Variants in LUZP2 observed in about 807,000 individuals in gnomAD.
The protein encoded by LUZP2 is leucine zipper protein 2.
Under a neutral mutation model 51.6 loss-of-function variants are expected in LUZP2, and 52 were observed. The ratio of observed to expected loss-of-function variants is 1.01; its 90% CI spans 0.81 to 1.27. LUZP2 has a LOEUF of 1.27. Ranked by LOEUF, LUZP2 falls within the 50% of genes most tolerant of loss-of-function variation. The pLI, the probability that LUZP2 is intolerant of heterozygous loss-of-function variation, is 0.00. For synonymous variants in LUZP2, 154 were observed against 137.3 expected (o/e 1.12, Z -0.85); for missense variants, 436 against 395.4 (o/e 1.10, Z -0.87).
chr11:24,636,492 A>G (rs1429371584), intron 1 of LUZP2, among the ~76,000 whole-genome samples: 1 of 152,170 alleles, frequency 6.6e-6, no homozygotes, highest in African/African-American at 2.4e-5. Context: ...CCATTGATAA[A>G]GTGGGGGCAA....
chr11:24,506,008 T>C (rs978588277), intron 1 of LUZP2, among the ~76,000 whole-genome samples: 2 of 152,144 alleles, frequency 1.3e-5, no homozygotes, highest in African/African-American at 4.8e-5. Flanking sequence ...GTGGCAGGAC[T>C]AAATGTGTAA....
chr11:24,646,843 T>A (rs1217158545), intron 1 of LUZP2, among the ~76,000 whole-genome samples: 2 of 152,022 alleles, frequency 1.3e-5, no homozygotes, highest in Admixed American at 6.6e-5. Flanking sequence ...ATGAGCTACT[T>A]TTAGTGCATG....
chr11:24,782,728 T>C (rs2134077398), intron 5 of LUZP2, among the ~76,000 whole-genome samples: 1 of 152,152 alleles, frequency 6.6e-6, no homozygotes, highest in East Asian at 1.9e-4. Flanking sequence ...TGTTGACTAA[T>C]TGCTAGCTTG....
intron 5 of LUZP2, chr11:24,786,714 A>ATATATAAATAGGTATATTATGTATTTT (rs767683383): frequency 9.5e-5 from 14 of 148,010 alleles, no homozygotes; most frequent in Non-Finnish European, 1.8e-4. Context: ...TTATGTATTT[A>ATATATAAATAGGTATATTATGTATTTT]TATATATATA....
At chr11:24,666,198 T>C (rs4630299) in intron 1 of LUZP2, among the ~76,000 whole-genome samples, 1,725 of 152,158 alleles carry the variant, frequency 0.011, 35 homozygotes, top group African/African-American at 0.04. Context: ...GCTGGGGCAA[T>C]ATATTATTAA....
In LUZP2 at chr11:25,079,140, T is replaced by G. The variant is rs982474749; in HGVS notation, c.*482T>G. 1 of 153,222 alleles carries G rather than the reference T, an allele frequency of 6.5e-6. No homozygotes were observed. The highest frequency in any genetic ancestry group is 2.0e-4 in the South Asian group (1 of 4,882). The allele number at this position is 153,222 out of a possible 1,614,324, so 9.5% of individuals were successfully genotyped here. A position where few individuals can be genotyped will look rare whatever the true frequency, so the allele number is the denominator to read the frequency against. ...TGTGCCAACCTAAATACGTTGTTTC[T>G]TTGATGGTGTTTATTGCTATTGGTA... is the stretch of plus-strand genomic sequence containing the variant. On this transcript the variant is annotated 3_prime_UTR_variant, in exon 12 of 12. Transcript: ENST00000336930.
intron 5 of LUZP2, among the ~76,000 whole-genome samples, chr11:24,826,190 A>AAAAAAATATATATATAT (rs1215786412): frequency 2.4e-4 from 16 of 67,548 alleles, no homozygotes; most frequent in East Asian, 5.6e-4. Flanking sequence ...AAAAAAAAAA[A>AAAAAAATATATATATAT]ATATATATAT....
intron 5 of LUZP2, among the ~76,000 whole-genome samples, chr11:24,863,323 T>C (rs1429786066): frequency 1.3e-5 from 2 of 152,090 alleles, no homozygotes; most frequent in Non-Finnish European, 2.9e-5. Context: ...AACTGATAAA[T>C]AGGCAAGCAA....
At chr11:24,654,151 C>T (rs982915285) in intron 1 of LUZP2, among the ~76,000 whole-genome samples, 8 of 152,118 alleles carry the variant, frequency 5.3e-5, no homozygotes, top group Non-Finnish European at 1.2e-4. Context: ...ACAATGCACA[C>T]ATCGTAACTG....
rs554365606 is a variant in LUZP2, at chr11:24,551,839, A to G, written c.62+54534A>G. Among the ~76,000 whole-genome samples, 3 of 152,124 alleles carry G rather than the reference A, an allele frequency of 2.0e-5. No homozygotes were observed. The South Asian group carries it at 6.2e-4, about 32-fold the overall frequency. On this transcript the variant is annotated intron_variant, in intron 1 of 11. Transcript: ENST00000336930. ...AATACTAGAATTAGCTCAAGGAGAA[A>G]TAAAAGTCTTGAATAAATACATCTG... is the stretch of plus-strand genomic sequence containing the variant.
chr11:24,883,719 C>A (rs1181204982), intron 5 of LUZP2, among the ~76,000 whole-genome samples: 1 of 151,976 alleles, frequency 6.6e-6, no homozygotes, highest in Non-Finnish European at 1.5e-5. Context: ...TACTGACTAG[C>A]AAACATTGAA....
At chr11:24,757,681 A>C (rs991557521) in intron 4 of LUZP2, among the ~76,000 whole-genome samples, 1 of 152,002 alleles carries the variant, frequency 6.6e-6, no homozygotes, top group Admixed American at 6.5e-5. Flanking sequence ...ATTATGCTAA[A>C]GAAAAAAGGT....
Position 24,962,420 on chromosome 11 carries a change from G to T in LUZP2, c.523-14171G>T, listed in dbSNP as rs535821671. Among the ~76,000 whole-genome samples the T allele has an allele frequency of 1.2e-4, 18 of 152,210 alleles. No homozygotes were observed. The East Asian group carries it at 2.3e-3, about 20-fold the overall frequency. The stretch of plus-strand genomic sequence containing the variant: ...GGTACACCAATCAGACGTAGATTTG[G>T]TTTTTTCACATAGTCCCATATTTCT... On this transcript the variant is annotated intron_variant, in intron 7 of 11. Coordinates refer to ENST00000336930, the MANE Select transcript of LUZP2 (RefSeq NM_001009909.4).
chr11:25,031,604 T>G (rs1410349711), intron 9 of LUZP2, among the ~76,000 whole-genome samples: 2 of 152,166 alleles, frequency 1.3e-5, no homozygotes, highest in Non-Finnish European at 1.5e-5. Context: ...TTGTTTTCTA[T>G]TCCCACAATT....
chr11:24,695,518 CGGTTGACTATAG>C (rs1857218321), intron 1 of LUZP2, among the ~76,000 whole-genome samples: 1 of 151,990 alleles, frequency 6.6e-6, no homozygotes, highest in African/African-American at 2.4e-5. Flanking sequence ...CACTATAATA[CGGTTGACTATAG>C]TCACCTTACT....
chr11:24,932,510 G>A (rs1321852806), intron 7 of LUZP2, among the ~76,000 whole-genome samples: 1 of 152,076 alleles, frequency 6.6e-6, no homozygotes, highest in Admixed American at 6.5e-5. Context: ...TGGTTCTCAG[G>A]CCAATTGAAT....
chr11:25,078,044 A>G (rs1859366333), intron 11 of LUZP2, among the ~76,000 whole-genome samples: 2 of 152,184 alleles, frequency 1.3e-5, no homozygotes, highest in African/African-American at 2.4e-5. Flanking sequence ...TCACACAGGC[A>G]TATATTTCTT....
At chr11:24,799,528 T>G (rs538876099) in intron 5 of LUZP2, among the ~76,000 whole-genome samples, 15 of 151,496 alleles carry the variant, frequency 9.9e-5, no homozygotes, top group Admixed American at 9.9e-4. Flanking sequence ...GAGGTGGAGG[T>G]TGTAGTGAGC....
chr11:24,932,730 C>G (rs1404784883), intron 7 of LUZP2, among the ~76,000 whole-genome samples: 1 of 152,170 alleles, frequency 6.6e-6, no homozygotes, highest in Non-Finnish European at 1.5e-5. Flanking sequence ...CTGGCCTCCC[C>G]ACTGAAAAGG....
Sources: gnomAD v4.1 joint callset for allele counts (sites outside exome capture counted in the v4.1 genomes callset) on GRCh38, gnomAD v4.1.1 for gene constraint, MANE v1.5 for transcripts, NCBI Gene and HGNC (gene_info 2026-07-23, HGNC 2026-07-21) for gene names.